The following PDE5A variants were observed in gnomAD, a reference collection of about 807,000 sequenced individuals.
PDE5A encodes the protein phosphodiesterase 5A.
Under a neutral mutation model 110.2 loss-of-function variants are expected in PDE5A, and 67 were observed. The ratio of observed to expected loss-of-function variants is 0.61; its 90% CI spans 0.50 to 0.75. The LOEUF is 0.75. Among genes scored for constraint, PDE5A ranks in the 30% least tolerant of loss-of-function variants. PDE5A has a pLI of 0.00. For synonymous variants in PDE5A, 328 were observed against 351.2 expected (o/e 0.93, Z 0.74); for missense variants, 862 against 1,045.1 (o/e 0.82, Z 2.42).
At chr4:119,603,387 C>G (rs1008120360) in intron 2 of PDE5A, among the ~76,000 whole-genome samples, 1 of 141,024 alleles carries the variant, frequency 7.1e-6, no homozygotes, top group Non-Finnish European at 1.6e-5. Flanking sequence ...TACATACATA[C>G]ATACATACAT....
intron 6 of PDE5A, among the ~76,000 whole-genome samples, chr4:119,561,470 G>A (rs28590372): frequency 0.023 from 3,437 of 152,270 alleles, 133 homozygotes; most frequent in African/African-American, 0.078. Context: ...CCAAATCAGT[G>A]TACTACCATA....
At chr4:119,628,040 C>T (rs2110574562) in intron 1 of PDE5A, 3 of 986,002 alleles carry the variant, frequency 3.0e-6, no homozygotes, top group African/African-American at 1.7e-5. Flanking sequence ...CCCGTGGACT[C>T]GTCCCTCACC....
chr4:119,540,202 G>C (rs1408454752), intron 10 of PDE5A, among the ~76,000 whole-genome samples: 1 of 151,712 alleles, frequency 6.6e-6, no homozygotes, highest in Non-Finnish European at 1.5e-5. Context: ...TTGATGAAAA[G>C]GTAGCTCATT....
At chr4:119,510,907 T>G in intron 15 of PDE5A, 140 bp downstream of exon 15, 1 of 545,560 alleles carries the variant, frequency 1.8e-6, no homozygotes, top group Non-Finnish European at 3.3e-6. Flanking sequence ...TCAAATGTTT[T>G]GGCTTCGCCT....
intron 14 of PDE5A, among the ~76,000 whole-genome samples, chr4:119,512,166 GA>G (rs1224072719): frequency 1.3e-5 from 2 of 151,938 alleles, no homozygotes; most frequent in Admixed American, 6.6e-5. Flanking sequence ...TAATGTGGGG[GA>G]AAAAATGGGT....
At chr4:119,517,397 C>T (rs1017611447) in intron 14 of PDE5A, among the ~76,000 whole-genome samples, 16 of 140,498 alleles carry the variant, frequency 1.1e-4, no homozygotes, top group Admixed American at 1.1e-3. Context: ...CATTTACCAA[C>T]AAGGAAAGAA....
chr4:119,529,913 C>G (rs1472783139), intron 11 of PDE5A, among the ~76,000 whole-genome samples: 2 of 152,008 alleles, frequency 1.3e-5, no homozygotes, highest in African/African-American at 2.4e-5. Context: ...GTTCCTGGAC[C>G]AGCAGCATCA....
intron 3 of PDE5A, among the ~76,000 whole-genome samples, chr4:119,574,116 C>G (rs1393378475): frequency 1.3e-5 from 2 of 151,008 alleles, no homozygotes; most frequent in Non-Finnish European, 2.9e-5. Context: ...ATCCCAAGAG[C>G]TACAATTCTT....
At position 119,627,198 on chromosome 4, in the gene PDE5A, T is replaced by C; in HGVS notation, c.152+1322A>G. The C allele has an allele frequency of 6.2e-7, 1 of 1,612,572 alleles. No homozygotes were observed. Among genetic ancestry groups the C allele is most frequent in the Non-Finnish European group, 8.5e-7 (1 of 1,179,214 alleles). On this transcript the variant is annotated intron_variant, in intron 1 of 20. Transcript: ENST00000354960. This position sits in a 1 kb window ranked among gnomAD's most constrained non-coding sequence, Gnocchi z 4.6. ...CATAGCAAACGTGGGAAGTTCGTTTTCGAACTCCGCCGATCCTGGACTCCA... is the reference window on the plus strand; with the variant it reads ...CATAGCAAACGTGGGAAGTTCGTTTCCGAACTCCGCCGATCCTGGACTCCA...
chr4:119,596,608 G>T lies in PDE5A; in HGVS notation c.746C>A (p.Pro249His). Residue 249 changes from proline to histidine, a missense_variant, in exon 3 of 21, where the codon CCT becomes CAT. Pro to His is a moderately conservative substitution (Grantham distance 77). Coordinates refer to ENST00000354960, the MANE Select transcript of PDE5A (RefSeq NM_001083.4). ...TTGGTCAACTTCTGCATTGAACCGA[G>T]GATCCTAGTATGGAAAAAGAAATTC... ...PLNIKDAYED[P>H]RFNAEVDQIT... 6.4e-7 allele frequency: 1 copy of T among 1,568,258 alleles called. No homozygotes were observed. Among genetic ancestry groups the T allele is most frequent in the Non-Finnish European group, 8.7e-7 (1 of 1,149,342 alleles).
In PDE5A at chr4:119,542,593, T is replaced by G. The variant is rs114790192; in HGVS notation, c.1438A>C (p.Lys480Gln). 1.5e-3 allele frequency: 2,353 copies of G among 1,613,950 alleles called. 29 individuals carry two copies. In the African/African-American group the frequency reaches 0.027, roughly 19 times the overall value. The change falls in exon 10 of 21, where the codon AAG becomes CAG. Residue 480 changes from lysine to glutamine, a missense_variant. By Grantham distance (53) the Lys-to-Gln change is moderately conservative. Transcript: ENST00000354960. ...TCATTTCGGTTGAAAGGCTTAACCT[T>G]GCCAGTATTCTCCTCCATCTTATTA... Reference protein sequence around the residue: ...LVNKMEENTGKVKPFNRNDEQ... With the variant: ...LVNKMEENTGQVKPFNRNDEQ...
rs1725166259 is a variant in PDE5A at position 119,498,464 on chromosome 4, A to T, written c.*137T>A. On this transcript the variant is annotated 3_prime_UTR_variant, in exon 21 of 21. Transcript: ENST00000354960. ...AAAACATTCATGCTATACTCTCAAAAGTTGTGCAAAAATAAAAATACAGCA... is the reference window on the plus strand; with the variant it reads ...AAAACATTCATGCTATACTCTCAAATGTTGTGCAAAAATAAAAATACAGCA... The T allele has an allele frequency of 1.1e-6, 1 of 879,766 alleles. No individual in the cohort carries two copies. The highest frequency in any genetic ancestry group is 1.7e-5 in the African/African-American group (1 of 59,808). The allele number at this position is 879,766 out of a possible 1,614,324, so 54.5% of individuals were successfully genotyped here.
chr4:119,581,383 A>C (rs1181224282), intron 3 of PDE5A, among the ~76,000 whole-genome samples: 1 of 152,204 alleles, frequency 6.6e-6, no homozygotes, highest in Admixed American at 6.5e-5. Flanking sequence ...AGCCACTGAA[A>C]GCTAGATATC....
intron 3 of PDE5A, among the ~76,000 whole-genome samples, chr4:119,587,440 G>A (rs951030518): frequency 6.6e-6 from 1 of 150,542 alleles, no homozygotes; most frequent in East Asian, 2.0e-4. Context: ...GCGGACTGCA[G>A]TGGCACAATC....
At chr4:119,542,397 A>C in intron 10 of PDE5A, 62 bp downstream of exon 10, 1 of 1,479,768 alleles carries the variant, frequency 6.8e-7, no homozygotes, top group South Asian at 1.2e-5. Flanking sequence ...AGTGATTATG[A>C]GGGAAAGGTA....
intron 2 of PDE5A, among the ~76,000 whole-genome samples, chr4:119,599,962 A>C (rs899292590): frequency 6.6e-6 from 1 of 152,144 alleles, no homozygotes; most frequent in African/African-American, 2.4e-5. Context: ...ACTCTTTTTT[A>C]AAATATTGAA....
At position 119,495,782 on chromosome 4, in the gene PDE5A, T is replaced by TA. The variant is rs1257883574; in HGVS notation, c.*2818dup. ...AATGAGCTCTAAATCTCACATTCAC[T>TA]AGTGATCTGCAAGTGAAGCTGAATA... On this transcript the variant is annotated 3_prime_UTR_variant, in exon 21 of 21. Coordinates refer to ENST00000354960, the MANE Select transcript of PDE5A (RefSeq NM_001083.4). 6 of 152,312 alleles carry TA rather than the reference T, an allele frequency of 3.9e-5. No homozygotes were observed. The highest frequency in any genetic ancestry group is 1.4e-4 in the African/African-American group (6 of 41,578). 9.4% of individuals were successfully genotyped at this position (152,312 alleles called of 1,614,324 possible).
intron 11 of PDE5A, among the ~76,000 whole-genome samples, chr4:119,533,533 A>G (rs1726616780): frequency 6.6e-6 from 1 of 152,180 alleles, no homozygotes; most frequent in South Asian, 2.1e-4. Flanking sequence ...TACTTTTAAA[A>G]CGGGAATGAG....
chr4:119,511,667 A>G (rs150107902), intron 14 of PDE5A, among the ~76,000 whole-genome samples: 259 of 152,206 alleles, frequency 1.7e-3, no homozygotes, highest in Non-Finnish European at 2.4e-3. Flanking sequence ...GTCAGTGTAC[A>G]TGCTCCCTTG....
Sources: allele counts gnomAD v4.1 joint callset (sites outside exome capture counted in the v4.1 genomes callset), GRCh38; gene constraint gnomAD v4.1.1; non-coding constraint Gnocchi (gnomAD v3.1); transcripts MANE v1.5; gene names NCBI Gene and HGNC (gene_info 2026-07-23, HGNC 2026-07-21).